Variants in SHISAL1 observed in about 807,000 individuals in gnomAD.
SHISAL1 encodes the protein protein shisa-like-1.
Under a neutral mutation model 22.6 loss-of-function variants are expected in SHISAL1, and 9 were observed. The observed-to-expected ratio is 0.40, with a 90% CI of 0.24 to 0.70. SHISAL1 has a LOEUF of 0.70. SHISAL1 is among the 30% of genes least tolerant of loss of function. The probability of loss-of-function intolerance (pLI) is 0.39; values close to 1 mark genes in which losing one functional copy is unlikely to be tolerated. For synonymous variants in SHISAL1, 119 were observed against 115.4 expected (o/e 1.03, Z -0.20); for missense variants, 246 against 270.6 (o/e 0.91, Z 0.64).
chr22:44,285,377 C>G, intron 4 of SHISAL1, 51 bp downstream of exon 4: 1 of 1,579,134 alleles, frequency 6.3e-7, no homozygotes, highest in African/African-American at 1.3e-5. Flanking sequence ...TCTCCAAGCT[C>G]TCCAAAGACA....
intron 4 of SHISAL1, among the ~76,000 whole-genome samples, chr22:44,277,057 C>T (rs1397670813): frequency 1.3e-5 from 2 of 152,186 alleles, no homozygotes; most frequent in Non-Finnish European, 2.9e-5. Context: ...CCCACTTTGG[C>T]GAACTCCTAT....
chr22:44,253,425 A>ATTTTTTT lies in SHISAL1; in HGVS notation c.*-3741_*-3740insAAAAAAA, dbSNP rs1491154287. ...AAGCAGAGTATGCTAGTATTAGTGC[A>ATTTTTTT]TGTTTTTTTTTTTTTTTTTTTTTGA... On this transcript the variant is annotated intron_variant, in intron 4 of 4. Coordinates refer to ENST00000381176, the MANE Select transcript of SHISAL1 (RefSeq NM_001099294.2). Among the ~76,000 whole-genome samples, 6 of 107,884 alleles carry ATTTTTTT rather than the reference A, an allele frequency of 5.6e-5. 2 individuals carry two copies. Among genetic ancestry groups the ATTTTTTT allele is most frequent in the Non-Finnish European group, 7.9e-5 (4 of 50,378 alleles). 70.8% of individuals were successfully genotyped at this position (107,884 alleles called of 152,430 possible).
intron 2 of SHISAL1, 21 bp from the exon 3 acceptor site, chr22:44,296,906 G>A (rs1396308272): frequency 1.3e-6 from 2 of 1,593,872 alleles, no homozygotes; most frequent in East Asian, 2.2e-5. Flanking sequence ...GAGTCACCAG[G>A]CTCAGAGGGG....
chr22:44,252,747 C>T (rs552989232), intron 4 of SHISAL1, among the ~76,000 whole-genome samples: 1 of 152,164 alleles, frequency 6.6e-6, no homozygotes, highest in African/African-American at 2.4e-5. Context: ...GTAATCTCAG[C>T]ACTCTGGGAG....
At chr22:44,256,737 C>T (rs571790735) in intron 4 of SHISAL1, among the ~76,000 whole-genome samples, 5 of 152,146 alleles carry the variant, frequency 3.3e-5, no homozygotes, top group Admixed American at 2.0e-4. Context: ...GGGCCAATAA[C>T]GATGCCTGGC....
chr22:44,304,254 G>C (rs1032944853), intron 1 of SHISAL1, among the ~76,000 whole-genome samples: 2 of 139,974 alleles, frequency 1.4e-5, no homozygotes, highest in Non-Finnish European at 3.1e-5. Context: ...AAAGCCACTC[G>C]GGCCACCCAG....
intron 4 of SHISAL1, among the ~76,000 whole-genome samples, chr22:44,279,064 T>C (rs2055259258): frequency 2.0e-5 from 3 of 152,202 alleles, no homozygotes; most frequent in South Asian, 4.1e-4. Context: ...GTGGAGTCAC[T>C]GGTTCTGAGC....
At chr22:44,311,983 G>T (rs2055522080) in intron 1 of SHISAL1, among the ~76,000 whole-genome samples, 1 of 152,174 alleles carries the variant, frequency 6.6e-6, no homozygotes, top group Admixed American at 6.5e-5. Flanking sequence ...CACTTAAAGT[G>T]TCAGGGCAGG....
intron 4 of SHISAL1, among the ~76,000 whole-genome samples, chr22:44,255,622 G>A (rs375188861): frequency 5.9e-5 from 9 of 152,140 alleles, no homozygotes; most frequent in African/African-American, 1.4e-4. Flanking sequence ...TGGTGTCTGC[G>A]CTGGTCAGCG....
At chr22:44,285,187 C>T (rs781575183) in intron 4 of SHISAL1, among the ~76,000 whole-genome samples, 1 of 152,188 alleles carries the variant, frequency 6.6e-6, no homozygotes. Context: ...GGGCTCTAAG[C>T]GCAATGAGCT....
At chr22:44,321,855 G>A in the SHISAL1 span, among the ~76,000 whole-genome samples, 1 of 152,084 alleles carries the variant, frequency 6.6e-6, no homozygotes, top group Admixed American at 6.5e-5. Context: ...CCAAGGAGTG[G>A]AGAGGGCCGG....
rs1270464367 is a variant in SHISAL1 at position 44,245,024 on chromosome 22, C to G, written c.*4661G>C. 6.6e-6 allele frequency: 1 copy of G among 152,292 alleles called. No homozygotes were observed. Among genetic ancestry groups the G allele is most frequent in the African/African-American group, 2.4e-5 (1 of 41,456 alleles). The allele number at this position is 152,292 out of a possible 1,614,324, so 9.4% of individuals were successfully genotyped here. On this transcript the variant is annotated 3_prime_UTR_variant, in exon 5 of 5. Coordinates refer to ENST00000381176, the MANE Select transcript of SHISAL1 (RefSeq NM_001099294.2). ...CTTCCAGAGGGCACAGGGTATGGCC[C>G]CAGCCCAGTGAGGTATTCCTGGACT...
At chr22:44,308,434 C>T (rs1441759954) in intron 1 of SHISAL1, among the ~76,000 whole-genome samples, 2 of 152,234 alleles carry the variant, frequency 1.3e-5, no homozygotes. Flanking sequence ...CCTGGAGCTT[C>T]AGCCCTCTGG....
chr22:44,250,526 C>G (rs2055040062), intron 4 of SHISAL1, among the ~76,000 whole-genome samples: 1 of 152,106 alleles, frequency 6.6e-6, no homozygotes, highest in South Asian at 2.1e-4. Context: ...CAGCATGAAC[C>G]CCACTGCCCT....
intron 2 of SHISAL1, among the ~76,000 whole-genome samples, chr22:44,297,183 G>A (rs1361744679): frequency 1.3e-5 from 2 of 152,214 alleles, no homozygotes; most frequent in Non-Finnish European, 2.9e-5. Flanking sequence ...CCTTAACTGA[G>A]CACCTACTGT....
At chr22:44,262,746 C>A (rs377389568) in intron 4 of SHISAL1, among the ~76,000 whole-genome samples, 161 of 152,322 alleles carry the variant, frequency 1.1e-3, no homozygotes, top group African/African-American at 3.5e-3. Flanking sequence ...GAGAGAGGAG[C>A]TGAGCCTGGA....
At chr22:44,261,445 G>A (rs1350660747) in intron 4 of SHISAL1, among the ~76,000 whole-genome samples, 1 of 152,134 alleles carries the variant, frequency 6.6e-6, no homozygotes, top group African/African-American at 2.4e-5. Context: ...ACACAGCACT[G>A]CAGAGTCCCA....
intron 1 of SHISAL1, among the ~76,000 whole-genome samples, chr22:44,305,753 C>T (rs1194878504): frequency 6.6e-6 from 1 of 152,208 alleles, no homozygotes; most frequent in African/African-American, 2.4e-5. Flanking sequence ...GCATCCATGG[C>T]CTGGCTGTGC....
At chr22:44,249,850 AT>A (rs75308926) in intron 4 of SHISAL1, among the ~76,000 whole-genome samples, 165 bp from the exon 5 acceptor site, 1 of 152,192 alleles carries the variant, frequency 6.6e-6, no homozygotes, top group African/African-American at 2.4e-5. Context: ...AAGAAAAAAA[AT>A]GTCTGCTATC....
Sources: gnomAD v4.1 joint callset for allele counts (sites outside exome capture counted in the v4.1 genomes callset) on GRCh38, gnomAD v4.1.1 for gene constraint, MANE v1.5 for transcripts, NCBI Gene and HGNC (gene_info 2026-07-23, HGNC 2026-07-21) for gene names.